Variants in DLC1 observed in about 807,000 individuals in gnomAD.
The protein encoded by DLC1 is DLC1 Rho GTPase activating protein.
Under a neutral mutation model 140.3 loss-of-function variants are expected in DLC1, and 54 were observed. The ratio of observed to expected loss-of-function variants is 0.38; its 90% CI spans 0.31 to 0.48. DLC1 has a LOEUF of 0.48. DLC1 is among the 20% of genes least tolerant of loss of function. DLC1 has a pLI of 0.96. For synonymous variants in DLC1, 986 were observed against 728.1 expected, an observed-to-expected ratio of 1.35 and a Z score of -5.70; for missense variants, 2,536 against 1,907.0, an observed-to-expected ratio of 1.33 and a Z score of -6.14.
At chr8:13,567,667 C>T in intron 1 of DLC1, 1 of 1,551,840 alleles carries the variant, frequency 6.4e-7, no homozygotes, top group Non-Finnish European at 8.7e-7. Flanking sequence ...GGAGTCATTT[C>T]TACTCCAAGA....
chr8:13,525,720 T>C (rs1397691364), intron 1 of DLC1, among the ~76,000 whole-genome samples: 1 of 152,216 alleles, frequency 6.6e-6, no homozygotes, highest in African/African-American at 2.4e-5. Flanking sequence ...GCATATAAGC[T>C]CTTTATCATG....
In DLC1 at chr8:13,154,860, A is replaced by G. The variant is rs147683829; in HGVS notation, c.1349-39203T>C. Among the ~76,000 whole-genome samples the G allele has an allele frequency of 4.6e-3, 706 of 152,362 alleles. 3 individuals are homozygous for G. Among genetic ancestry groups the G allele is most frequent in the African/African-American group, 0.016 (657 of 41,590 alleles). On this transcript the variant is annotated intron_variant, in intron 5 of 17. Coordinates refer to ENST00000276297, the MANE Select transcript of DLC1 (RefSeq NM_182643.3). ...AATTTTTCACTTAGAAATAAGCGCT[A>G]TTAAAATTTTGATAGGTAGATAAGG... is the stretch of plus-strand genomic sequence containing the variant.
rs555209309 is a variant in DLC1, at chr8:13,373,720, T to A, written c.1314+19833A>T. On this transcript the variant is annotated intron_variant, in intron 4 of 17. Coordinates refer to ENST00000276297, the MANE Select transcript of DLC1 (RefSeq NM_182643.3). The stretch of plus-strand genomic sequence containing the variant: ...CACTGGGAGAGGGCTCCCTGTGCCT[T>A]GAATATTCTGCTAAGAGATTTACTT... 1.1e-3 allele frequency among the ~76,000 whole-genome samples: 167 copies of A among 152,208 alleles called. 2 individuals are homozygous for A. The highest frequency in any genetic ancestry group is 2.0e-3 in the Non-Finnish European group (136 of 68,034).
chr8:13,185,854 A>G (rs1202519834), intron 5 of DLC1, among the ~76,000 whole-genome samples: 3 of 152,082 alleles, frequency 2.0e-5, no homozygotes, highest in Non-Finnish European at 4.4e-5. Flanking sequence ...GGTGACAAAA[A>G]TCTCTCAGCA....
chr8:13,131,447 T>G lies in DLC1; in HGVS notation c.1349-15790A>C, dbSNP rs895659694. Among the ~76,000 whole-genome samples the G allele has an allele frequency of 3.9e-5, 6 of 152,210 alleles. No individual in the cohort carries two copies. In the East Asian group the frequency reaches 9.6e-4, roughly 24 times the overall value. On this transcript the variant is annotated intron_variant, in intron 5 of 17. Coordinates refer to ENST00000276297, the MANE Select transcript of DLC1 (RefSeq NM_182643.3). ...ATGCCACCAGCCTAGGCTGCATTCC[T>G]CTATGTCACCAGTAATCGCCGAAAC...
chr8:13,457,150 C>T (rs1368544416), intron 2 of DLC1, among the ~76,000 whole-genome samples: 1 of 152,158 alleles, frequency 6.6e-6, no homozygotes, highest in East Asian at 1.9e-4. Context: ...ATATTGCGAA[C>T]TTTCCCTAAA....
intron 4 of DLC1, among the ~76,000 whole-genome samples, chr8:13,305,711 C>T (rs1832390116): frequency 6.6e-6 from 1 of 152,090 alleles, no homozygotes; most frequent in Non-Finnish European, 1.5e-5. Context: ...GTGGCATGCA[C>T]CGGTAGTCCC....
chr8:13,231,432 G>A (rs898054459), intron 5 of DLC1, among the ~76,000 whole-genome samples: 1 of 152,154 alleles, frequency 6.6e-6, no homozygotes, highest in Non-Finnish European at 1.5e-5. Context: ...TGTTAAATGA[G>A]ATGATTTCTA....
At chr8:13,522,418 A>G (rs995603698) in intron 1 of DLC1, among the ~76,000 whole-genome samples, 11 of 152,108 alleles carry the variant, frequency 7.2e-5, no homozygotes, top group African/African-American at 2.4e-4. Context: ...TGAGGTCAGG[A>G]GTTCAAGACC....
chr8:13,442,343 A>T (rs1798554326), intron 2 of DLC1, among the ~76,000 whole-genome samples: 1 of 152,232 alleles, frequency 6.6e-6, no homozygotes, highest in Non-Finnish European at 1.5e-5. Flanking sequence ...CAAAAGTCAA[A>T]ATTGACAAAT....
At chr8:13,119,625 A>T (rs113939265) in intron 5 of DLC1, among the ~76,000 whole-genome samples, 1,595 of 152,220 alleles carry the variant, frequency 0.01, 31 homozygotes, top group African/African-American at 0.036. Flanking sequence ...ACATGAGGAA[A>T]CAGATAGAGA....
At chr8:13,462,761 T>G (rs1044951007) in intron 2 of DLC1, among the ~76,000 whole-genome samples, 7 of 152,260 alleles carry the variant, frequency 4.6e-5, no homozygotes, top group Admixed American at 4.6e-4. Flanking sequence ...GTTCTTTATA[T>G]CTAAGTTAAA....
At chr8:13,347,291 AAAAC>A (rs907626136) in intron 4 of DLC1, among the ~76,000 whole-genome samples, 7 of 152,204 alleles carry the variant, frequency 4.6e-5, no homozygotes, top group Admixed American at 2.6e-4. Context: ...TGCTTTTTGA[AAAAC>A]AAAACCACAT....
At chr8:13,293,105 G>A (rs537327654) in intron 5 of DLC1, among the ~76,000 whole-genome samples, 101 of 152,252 alleles carry the variant, frequency 6.6e-4, no homozygotes, top group Middle Eastern at 6.8e-3. Flanking sequence ...TGGTGCATGC[G>A]TGTAGTCCCA....
chr8:13,478,790 T>C (rs568522444), intron 2 of DLC1, among the ~76,000 whole-genome samples: 2 of 152,252 alleles, frequency 1.3e-5, no homozygotes, highest in Non-Finnish European at 2.9e-5. Flanking sequence ...TTTTCTTTTA[T>C]AGCAATTATT....
At chr8:13,202,083 C>G (rs1278885475) in intron 5 of DLC1, among the ~76,000 whole-genome samples, 1 of 151,806 alleles carries the variant, frequency 6.6e-6, no homozygotes, top group Non-Finnish European at 1.5e-5. Flanking sequence ...GTAGCTGGGA[C>G]TACCAGTGCG....
intron 2 of DLC1, among the ~76,000 whole-genome samples, chr8:13,491,576 G>C (rs1053153092): frequency 6.6e-6 from 1 of 152,172 alleles, no homozygotes; most frequent in African/African-American, 2.4e-5. Flanking sequence ...ATACAACTAA[G>C]TATCTTCGGG....
chr8:13,324,518 G>C (rs1411232045), intron 4 of DLC1, among the ~76,000 whole-genome samples: 1 of 140,302 alleles, frequency 7.1e-6, no homozygotes. Context: ...AGTGAGCCCA[G>C]ATCGCGCCAC....
At chr8:13,092,385 C>T (rs764805289) in intron 13 of DLC1, among the ~76,000 whole-genome samples, 10 of 152,176 alleles carry the variant, frequency 6.6e-5, no homozygotes, top group Non-Finnish European at 1.3e-4. Flanking sequence ...AGGATCAGTT[C>T]GATGGATTTT....
Sources: gnomAD v4.1 joint callset for allele counts (sites outside exome capture counted in the v4.1 genomes callset) on GRCh38, gnomAD v4.1.1 for gene constraint, MANE v1.5 for transcripts, NCBI Gene and HGNC (gene_info 2026-07-23, HGNC 2026-07-21) for gene names.